CADM2: variants seen among roughly 807,000 people sequenced by gnomAD.
CADM2 encodes the protein cell adhesion molecule 2, also known as immunoglobulin superfamily member 4D.
In CADM2, 12 loss-of-function variants were observed where a neutral mutation model predicts 49.8. That is an observed-to-expected ratio of 0.24 (90% CI 0.15 to 0.39). CADM2 has a LOEUF of 0.39. CADM2 is among the 10% of genes least tolerant of loss of function. CADM2 has a pLI of 1.00. For synonymous variants in CADM2, 214 were observed against 175.4 expected (o/e 1.22, Z -1.74); for missense variants, 378 against 492.3 (o/e 0.77, Z 2.20).
At chr3:85,965,180 C>G (rs1348460539) in intron 8 of CADM2, among the ~76,000 whole-genome samples, 1 of 150,718 alleles carries the variant, frequency 6.6e-6, no homozygotes, top group East Asian at 2.0e-4. Flanking sequence ...GATGGTCATA[C>G]AATGTGGCAG....
intron 2 of CADM2, among the ~76,000 whole-genome samples, chr3:85,792,782 T>C (rs2071414104): frequency 6.6e-6 from 1 of 152,228 alleles, no homozygotes; most frequent in Non-Finnish European, 1.5e-5. Context: ...TTGGGATCAG[T>C]GTTAAAACAT....
chr3:85,686,116 T>C (rs1687704878), intron 1 of CADM2, among the ~76,000 whole-genome samples: 1 of 152,240 alleles, frequency 6.6e-6, no homozygotes, highest in Non-Finnish European at 1.5e-5. Flanking sequence ...CAGCTGTTAA[T>C]TATAGCCCAA....
chr3:85,363,505 T>TA (rs1041903201), intron 1 of CADM2, among the ~76,000 whole-genome samples: 18 of 149,236 alleles, frequency 1.2e-4, no homozygotes, highest in South Asian at 4.2e-4. Flanking sequence ...CAGTGTCATT[T>TA]AAAAAAAAAA....
intron 1 of CADM2, among the ~76,000 whole-genome samples, chr3:85,266,508 T>C (rs949149355): frequency 1.3e-5 from 2 of 151,724 alleles, no homozygotes; most frequent in Non-Finnish European, 2.9e-5. Context: ...TAAACCATAA[T>C]ACCAGGGCAA....
chr3:85,402,521 A>G (rs1312964306), intron 1 of CADM2, among the ~76,000 whole-genome samples: 1 of 151,022 alleles, frequency 6.6e-6, no homozygotes, highest in Admixed American at 6.6e-5. Context: ...GTAGGTCGCA[A>G]AAGAATATTT....
At chr3:86,045,199 A>C (rs1181077776) in intron 8 of CADM2, among the ~76,000 whole-genome samples, 1 of 151,530 alleles carries the variant, frequency 6.6e-6, no homozygotes, top group Non-Finnish European at 1.5e-5. Flanking sequence ...CTAAAACTTA[A>C]CGTATAATAA....
At chr3:86,034,698 T>C (rs1397399494) in intron 8 of CADM2, among the ~76,000 whole-genome samples, 1 of 152,034 alleles carries the variant, frequency 6.6e-6, no homozygotes, top group Non-Finnish European at 1.5e-5. Flanking sequence ...GTGTTTTTAG[T>C]TTCCCAATGG....
At chr3:85,959,014 CTTAAA>C (rs1376126680) in intron 7 of CADM2, among the ~76,000 whole-genome samples, 1 of 150,988 alleles carries the variant, frequency 6.6e-6, no homozygotes, top group Non-Finnish European at 1.5e-5. Context: ...TTTCGTGGAA[CTTAAA>C]TTAAAAAAAT....
At chr3:85,276,828 T>C (rs1017369627) in intron 1 of CADM2, among the ~76,000 whole-genome samples, 7 of 151,214 alleles carry the variant, frequency 4.6e-5, no homozygotes, top group Non-Finnish European at 8.9e-5. Flanking sequence ...GACAGCCCAG[T>C]TGGACTGAAA....
In CADM2 at chr3:85,198,662, C is replaced by G. The variant is rs972025603; in HGVS notation, c.61+238994C>G. Reference sequence around the variant, plus strand: ...TTTATGGTATACATTTTAATTTTAACTCATTATTTTATCAAATGTGCATAC... The same window carrying G: ...TTTATGGTATACATTTTAATTTTAAGTCATTATTTTATCAAATGTGCATAC... On this transcript the variant is annotated intron_variant, in intron 1 of 9. Transcript: ENST00000383699. Among the ~76,000 whole-genome samples the G allele has an allele frequency of 1.1e-4, 17 of 151,890 alleles. No homozygotes were observed. In the South Asian group the frequency reaches 3.3e-3, roughly 30 times the overall value.
chr3:85,815,565 T>C (rs1484286747), intron 3 of CADM2, among the ~76,000 whole-genome samples: 1 of 152,172 alleles, frequency 6.6e-6, no homozygotes, highest in Non-Finnish European at 1.5e-5. Context: ...CTAAAAAATT[T>C]CAATAAACTA....
At chr3:85,252,245 A>G (rs1296831593) in intron 1 of CADM2, among the ~76,000 whole-genome samples, 1 of 152,026 alleles carries the variant, frequency 6.6e-6, no homozygotes, top group East Asian at 1.9e-4. Flanking sequence ...AAACAGCACA[A>G]TTACTTTGAC....
At chr3:86,014,061 T>G in intron 8 of CADM2, 1 of 1,316,988 alleles carries the variant, frequency 7.6e-7, no homozygotes, top group Non-Finnish European at 1.0e-6. Flanking sequence ...TTCTGTTCTT[T>G]TTCACAACGG....
chr3:85,992,975 C>T (rs1393742958), intron 8 of CADM2: 1 of 152,102 alleles, frequency 6.6e-6, no homozygotes. Flanking sequence ...AAAGTCAATC[C>T]TCTGATACCC....
chr3:85,305,612 G>T (rs2044194445), intron 1 of CADM2, among the ~76,000 whole-genome samples: 5 of 151,588 alleles, frequency 3.3e-5, no homozygotes, highest in Admixed American at 3.3e-4. Flanking sequence ...AATCTATATT[G>T]CAAAATGGGT....
intron 1 of CADM2, among the ~76,000 whole-genome samples, chr3:85,195,352 T>A (rs192214070): frequency 5.3e-5 from 8 of 152,214 alleles, no homozygotes; most frequent in Admixed American, 5.2e-4. Context: ...TGGGTCTTTG[T>A]ACACCATATC....
intron 1 of CADM2, among the ~76,000 whole-genome samples, chr3:85,640,285 A>G (rs1402674073): frequency 6.6e-6 from 1 of 152,202 alleles, no homozygotes; most frequent in Non-Finnish European, 1.5e-5. Context: ...CACCAATCAC[A>G]GATTTTCAGA....
chr3:85,475,139 A>AAT (rs1406925728), intron 1 of CADM2, among the ~76,000 whole-genome samples: 1 of 151,928 alleles, frequency 6.6e-6, no homozygotes, highest in Non-Finnish European at 1.5e-5. Context: ...GTTTTGTGGC[A>AAT]ATATATAGAT....
intron 5 of CADM2, among the ~76,000 whole-genome samples, chr3:85,909,636 C>A (rs1319316500): frequency 6.6e-6 from 1 of 152,098 alleles, no homozygotes; most frequent in Non-Finnish European, 1.5e-5. Context: ...GAATGCGAAT[C>A]TGCATTTTAA....
Sources: allele counts gnomAD v4.1 joint callset (sites outside exome capture counted in the v4.1 genomes callset), GRCh38; gene constraint gnomAD v4.1.1; transcripts MANE v1.5; gene names NCBI Gene and HGNC (gene_info 2026-07-23, HGNC 2026-07-21).